Variants in TMEM132B observed in about 807,000 individuals in gnomAD.
TMEM132B encodes transmembrane protein 132B.
TMEM132B carries 18 observed loss-of-function variants against 90.8 expected under a neutral mutation model. The observed-to-expected ratio is 0.20, with a 90% CI of 0.14 to 0.29. The LOEUF is 0.29. TMEM132B is among the 10% of genes least tolerant of loss of function. TMEM132B has a pLI of 1.00. For synonymous variants in TMEM132B, 504 were observed against 523.3 expected (o/e 0.96, Z 0.50); for missense variants, 1,096 against 1,326.8 (o/e 0.83, Z 2.70).
intron 1 of TMEM132B, among the ~76,000 whole-genome samples, chr12:125,324,030 T>TAC (rs1876496097): frequency 6.6e-6 from 1 of 151,562 alleles, no homozygotes; most frequent in Non-Finnish European, 1.5e-5. Context: ...AACACACACA[T>TAC]ACACACACAC....
At position 125,349,849 on chromosome 12, in the gene TMEM132B, T is replaced by C. The variant is rs3803155; in HGVS notation, c.465T>C (p.Ser155=). 0.74 allele frequency: 1,201,452 copies of C among 1,613,950 alleles called. 452,888 individuals carry two copies. The highest frequency in any genetic ancestry group is 0.85 in the East Asian group (38,093 of 44,862). The change falls in exon 2 of 9, where the codon AGT becomes AGC. Residue 155 remains serine (S), a synonymous_variant. Transcript: ENST00000682704. This position sits in a 1 kb window ranked among gnomAD's most constrained non-coding sequence, Gnocchi z 4.1. The part of the protein sequence containing the change: ...FYVTGMGWDD[S]DLTEDLPCVK... ...TCACTGGCATGGGCTGGGATGACAGTGACCTTACGGAAGATCTACCCTGTG... is the reference window on the plus strand; with the variant it reads ...TCACTGGCATGGGCTGGGATGACAGCGACCTTACGGAAGATCTACCCTGTG...
At chr12:125,480,435 C>T (rs1373638741) in intron 3 of TMEM132B, among the ~76,000 whole-genome samples, 24 of 151,946 alleles carry the variant, frequency 1.6e-4, no homozygotes, top group African/African-American at 5.3e-4. Flanking sequence ...ATATCACCAC[C>T]GATCCCACAG....
At chr12:125,592,967 G>T (rs185398142) in intron 5 of TMEM132B, among the ~76,000 whole-genome samples, 1 of 152,176 alleles carries the variant, frequency 6.6e-6, no homozygotes, top group Non-Finnish European at 1.5e-5. Flanking sequence ...AGACTAATCC[G>T]AATTTTACTT....
At chr12:125,316,757 A>G (rs2136185305) in intron 1 of TMEM132B, among the ~76,000 whole-genome samples, 1 of 152,310 alleles carries the variant, frequency 6.6e-6, no homozygotes, top group East Asian at 1.9e-4. Flanking sequence ...GGGGGGCTGC[A>G]GTGACGTAAG....
At chr12:125,529,566 G>T (rs745593838) in intron 4 of TMEM132B, among the ~76,000 whole-genome samples, 1 of 152,150 alleles carries the variant, frequency 6.6e-6, no homozygotes, top group African/African-American at 2.4e-5. Context: ...TTTGCTGGTC[G>T]CTGGGATTCA....
chr12:125,217,075 T>C (rs181498058), intron 1 of TMEM132B, among the ~76,000 whole-genome samples: 1 of 152,060 alleles, frequency 6.6e-6, no homozygotes, highest in Admixed American at 6.5e-5. Flanking sequence ...TCTGGAAGAG[T>C]TTTTCATCTG....
chr12:125,336,688 G>A (rs972522351), intron 1 of TMEM132B, among the ~76,000 whole-genome samples: 2 of 152,186 alleles, frequency 1.3e-5, no homozygotes, highest in Non-Finnish European at 2.9e-5. Flanking sequence ...TTACCTCATG[G>A]TGTGTCCCTG....
chr12:125,566,245 C>A (rs925017322), intron 4 of TMEM132B, among the ~76,000 whole-genome samples: 5 of 152,150 alleles, frequency 3.3e-5, no homozygotes, highest in African/African-American at 4.8e-5. Context: ...CTTTTGTTTC[C>A]TCTGAACAAA....
At chr12:125,647,812 T>C (rs1886803636) in intron 6 of TMEM132B, among the ~76,000 whole-genome samples, 1 of 151,916 alleles carries the variant, frequency 6.6e-6, no homozygotes, top group African/African-American at 2.4e-5. Context: ...TTTTACATCA[T>C]GTTTGGTATT....
At chr12:125,548,481 C>G (rs149786048) in intron 4 of TMEM132B, among the ~76,000 whole-genome samples, 86 of 152,248 alleles carry the variant, frequency 5.6e-4, no homozygotes, top group African/African-American at 1.9e-3. Context: ...AAAACATACC[C>G]TATGAGAAAG....
At chr12:125,397,616 G>A (rs1029631474) in intron 2 of TMEM132B, among the ~76,000 whole-genome samples, 1 of 152,192 alleles carries the variant, frequency 6.6e-6, no homozygotes, top group Non-Finnish European at 1.5e-5. Flanking sequence ...TGTATTTAAT[G>A]ATTTTGCTGT....
intron 2 of TMEM132B, among the ~76,000 whole-genome samples, chr12:125,383,576 T>C (rs1254842011): frequency 1.3e-5 from 2 of 152,256 alleles, no homozygotes; most frequent in African/African-American, 4.8e-5. Context: ...GACCTCATTA[T>C]TTCTTCCATG....
At chr12:125,507,358 C>G (rs1216049490) in intron 3 of TMEM132B, among the ~76,000 whole-genome samples, 1 of 152,084 alleles carries the variant, frequency 6.6e-6, no homozygotes, top group Non-Finnish European at 1.5e-5. Context: ...GGCTTACAAT[C>G]TAGTGGACAG....
chr12:125,556,494 G>A (rs960949556), intron 4 of TMEM132B, among the ~76,000 whole-genome samples: 1 of 152,200 alleles, frequency 6.6e-6, no homozygotes, highest in African/African-American at 2.4e-5. Flanking sequence ...ATGTGGAAGA[G>A]TGTCTTCCAC....
At chr12:125,426,490 G>T (rs1386245413) in intron 3 of TMEM132B, among the ~76,000 whole-genome samples, 1 of 152,164 alleles carries the variant, frequency 6.6e-6, no homozygotes, top group African/African-American at 2.4e-5. Context: ...GCAGAAGAAA[G>T]CATACTTGGG....
Position 125,654,099 on chromosome 12 carries a change from G to A in TMEM132B, c.2641G>A (p.Gly881Arg). The A allele has an allele frequency of 1.2e-6, 2 of 1,614,174 alleles. No homozygotes were observed. The highest frequency in any genetic ancestry group is 1.7e-6 in the Non-Finnish European group (2 of 1,180,014). The stretch of plus-strand genomic sequence containing the variant: ...TGCCTTTACAAGCTTCCCCACTCAA[G>A]GGAAGTCACCGGACCCCAATAATCC... Reference protein sequence around the residue: ...PDAFTSFPTQGKSPDPNNPSD... With the variant: ...PDAFTSFPTQRKSPDPNNPSD... Residue 881 changes from glycine to arginine, a missense_variant, in exon 9 of 9, where the codon GGG becomes AGG. Physicochemically the swap from Gly to Arg is moderately radical, Grantham distance 125. Transcript: ENST00000682704. The surrounding 1 kb of genome is among the most constrained non-coding windows in gnomAD (Gnocchi z 5.8).
intron 1 of TMEM132B, among the ~76,000 whole-genome samples, chr12:125,260,626 C>T (rs1874542009): frequency 6.6e-6 from 1 of 152,052 alleles, no homozygotes; most frequent in African/African-American, 2.4e-5. Context: ...ATGTGAGCCA[C>T]TGTGCCTGGT....
At chr12:125,315,211 T>C (rs1286817534) in intron 1 of TMEM132B, among the ~76,000 whole-genome samples, 1 of 152,244 alleles carries the variant, frequency 6.6e-6, no homozygotes, top group East Asian at 1.9e-4. Context: ...TTCTTTGTTT[T>C]GTTTTGAGAC....
At position 125,490,636 on chromosome 12, in the gene TMEM132B, G is replaced by T. The variant is rs188386180; in HGVS notation, c.1107-28803G>T. 3.3e-5 allele frequency among the ~76,000 whole-genome samples: 5 copies of T among 151,918 alleles called. No individual in the cohort carries two copies. Among genetic ancestry groups the T allele is most frequent in the East Asian group, 3.9e-4 (2 of 5,148 alleles). On this transcript the variant is annotated intron_variant, in intron 3 of 8. Coordinates refer to ENST00000682704, the MANE Select transcript of TMEM132B (RefSeq NM_001366854.1). The surrounding 1 kb of genome is among the most constrained non-coding windows in gnomAD (Gnocchi z 4.2). ...TGCCACCACGCCTGGCTAATTTTTT[G>T]TGTGTGTTTTTAGTAGAGATGGGGT...
Sources: gnomAD v4.1 joint callset for allele counts (sites outside exome capture counted in the v4.1 genomes callset) on GRCh38, gnomAD v4.1.1 for gene constraint, Gnocchi (gnomAD v3.1) non-coding constraint, MANE v1.5 for transcripts, NCBI Gene and HGNC (gene_info 2026-07-23, HGNC 2026-07-21) for gene names.